TENM2: variants seen among roughly 807,000 people sequenced by gnomAD.
The protein encoded by TENM2 is teneurin-2.
A neutral mutation model predicts 245.2 loss-of-function variants in TENM2; 52 were observed. The ratio of observed to expected loss-of-function variants is 0.21; its 90% CI spans 0.17 to 0.27. The LOEUF is 0.27. TENM2 is among the 10% of genes least tolerant of loss of function. The pLI is 1.00. For synonymous variants in TENM2, 1,363 were observed against 1,438.9 expected (o/e 0.95, Z 1.19); for missense variants, 3,046 against 3,666.8 (o/e 0.83, Z 4.37).
intron 17 of TENM2, 75 bp downstream of exon 19, chr5:168,200,206 C>T: frequency 7.3e-7 from 1 of 1,373,062 alleles, no homozygotes; most frequent in South Asian, 1.4e-5. Flanking sequence ...TTATTGAGTT[C>T]CGAGGATATG....
chr5:167,071,878 G>GCCCCCCCCCCCCCCCCCCCCC, the TENM2 span, among the ~76,000 whole-genome samples: 1 of 124,024 alleles, frequency 8.1e-6, no homozygotes, highest in African/African-American at 2.9e-5. Flanking sequence ...TTGACAAATC[G>GCCCCCCCCCCCCCCCCCCCCC]CCCCCCCCCG....
At chr5:168,039,276 G>A (rs899946751) in intron 5 of TENM2, among the ~76,000 whole-genome samples, 1 of 152,138 alleles carries the variant, frequency 6.6e-6, no homozygotes, top group African/African-American at 2.4e-5. Flanking sequence ...TGGTCTCACC[G>A]ATCTGCCCCT....
the TENM2 span, among the ~76,000 whole-genome samples, chr5:166,989,729 A>T: frequency 6.6e-6 from 1 of 151,274 alleles, no homozygotes; most frequent in African/African-American, 2.4e-5. Flanking sequence ...CCTTATATGG[A>T]GAATAACCCA....
At chr5:167,952,007 C>G (rs1386178590) in intron 3 of TENM2, among the ~76,000 whole-genome samples, 3 of 152,200 alleles carry the variant, frequency 2.0e-5, no homozygotes, top group African/African-American at 7.2e-5. Flanking sequence ...CTGCCTTGAG[C>G]TCTCTCCCTC....
chr5:168,208,193 C>T (rs565329357), intron 19 of TENM2, among the ~76,000 whole-genome samples: 82 of 152,308 alleles, frequency 5.4e-4, no homozygotes, highest in Admixed American at 9.2e-4. Context: ...CGGGATGGGA[C>T]GGTATCTCTC....
intron 2 of TENM2, among the ~76,000 whole-genome samples, chr5:167,757,476 T>G (rs149271940): frequency 0.012 from 1,900 of 152,326 alleles, 41 homozygotes; most frequent in African/African-American, 0.043. Flanking sequence ...CACATTTTCT[T>G]TATCCAGTCT....
the TENM2 span, among the ~76,000 whole-genome samples, chr5:167,253,967 C>T: frequency 3.9e-5 from 6 of 152,004 alleles, no homozygotes; most frequent in Non-Finnish European, 7.4e-5. Context: ...TGAATAAGTG[C>T]GTATAAGCCT....
chr5:167,400,277 G>A (rs1399192781), intron 2 of TENM2, among the ~76,000 whole-genome samples: 1 of 152,042 alleles, frequency 6.6e-6, no homozygotes, highest in Non-Finnish European at 1.5e-5. Context: ...AGGTGGAGGA[G>A]GGAAGTTTCA....
chr5:167,309,721 C>A (rs1269178664), intron 1 of TENM2: 1 of 152,116 alleles, frequency 6.6e-6, no homozygotes, highest in African/African-American at 2.4e-5. Flanking sequence ...GATACAGATG[C>A]TAAGAAGGTA....
chr5:167,412,399 A>T (rs1234292774), intron 2 of TENM2, among the ~76,000 whole-genome samples: 1 of 152,172 alleles, frequency 6.6e-6, no homozygotes, highest in South Asian at 2.1e-4. Context: ...GGTGGCTCAC[A>T]CCTGTAATCC....
chr5:167,392,159 C>A (rs1761795443), intron 2 of TENM2, among the ~76,000 whole-genome samples: 1 of 152,030 alleles, frequency 6.6e-6, no homozygotes, highest in South Asian at 2.1e-4. Flanking sequence ...TGAGCCTCAT[C>A]AGTACAGGAG....
chr5:167,668,734 C>T (rs965889841), intron 2 of TENM2, among the ~76,000 whole-genome samples: 14 of 152,236 alleles, frequency 9.2e-5, no homozygotes, highest in Middle Eastern at 3.4e-3. Context: ...GCGGGCAGAT[C>T]GCTTGAGTTT....
At chr5:167,780,092 C>T (rs1764089949) in intron 2 of TENM2, among the ~76,000 whole-genome samples, 1 of 152,194 alleles carries the variant, frequency 6.6e-6, no homozygotes, top group Admixed American at 6.5e-5. Context: ...GTGGTTTACA[C>T]ACTTGGCATT....
At chr5:166,990,482 T>C in the TENM2 span, among the ~76,000 whole-genome samples, 1 of 152,178 alleles carries the variant, frequency 6.6e-6, no homozygotes, top group Non-Finnish European at 1.5e-5. Context: ...AATTCTCACA[T>C]GGTTGGTATT....
intron 2 of TENM2, among the ~76,000 whole-genome samples, chr5:167,724,554 G>C (rs902921558): frequency 1.3e-5 from 2 of 152,114 alleles, no homozygotes; most frequent in Admixed American, 1.3e-4. Context: ...AGAGTAGGAA[G>C]GAGATGACGA....
intron 2 of TENM2, among the ~76,000 whole-genome samples, chr5:167,577,961 G>T (rs1189276103): frequency 6.6e-6 from 1 of 152,206 alleles, no homozygotes; most frequent in East Asian, 1.9e-4. Context: ...CTTTGAATTA[G>T]GGGTGAAATG....
intron 2 of TENM2, among the ~76,000 whole-genome samples, chr5:167,868,406 A>T (rs944195116): frequency 6.6e-6 from 1 of 152,030 alleles, no homozygotes; most frequent in Non-Finnish European, 1.5e-5. Flanking sequence ...TAAATATTAG[A>T]AGTAAAATAT....
At chr5:167,614,054 T>A (rs566136830) in intron 2 of TENM2, among the ~76,000 whole-genome samples, 1 of 152,250 alleles carries the variant, frequency 6.6e-6, no homozygotes. Flanking sequence ...CAGAGTGTTC[T>A]TGCATTCCTA....
At chr5:167,573,495 T>C (rs1431111932) in intron 2 of TENM2, among the ~76,000 whole-genome samples, 1 of 140,704 alleles carries the variant, frequency 7.1e-6, no homozygotes, top group East Asian at 2.2e-4. Flanking sequence ...TTCTTGATGT[T>C]CTCTGTCTCT....
Sources: gnomAD v4.1 joint callset for allele counts (sites outside exome capture counted in the v4.1 genomes callset) on GRCh38, gnomAD v4.1.1 for gene constraint, MANE v1.5 for transcripts, NCBI Gene and HGNC (gene_info 2026-07-23, HGNC 2026-07-21) for gene names.